ELMO1: variants seen among roughly 807,000 people sequenced by gnomAD.
ELMO1 encodes the protein engulfment and cell motility protein 1.
A neutral mutation model predicts 98.9 loss-of-function variants in ELMO1; 26 were observed. The ratio of observed to expected loss-of-function variants is 0.26; its 90% confidence interval spans 0.19 to 0.36. The LOEUF is 0.36. Ranked by LOEUF, ELMO1 falls within the 10% of genes least tolerant of loss-of-function variation. ELMO1 has a pLI of 1.00. For synonymous variants in ELMO1, 346 were observed against 346.0 expected, an observed-to-expected ratio of 1.00 and a Z score of 0.00; for missense variants, 627 against 935.2, an observed-to-expected ratio of 0.67 and a Z score of 4.30.
Position 36,897,614 on chromosome 7 carries a change from G to A in ELMO1, c.1438-2597C>T, listed in dbSNP as rs74731596. On this transcript the variant is annotated intron_variant, in intron 16 of 21. Coordinates refer to ENST00000310758, the MANE Select transcript of ELMO1 (RefSeq NM_014800.11). ...GGAAATAGCAAAGTTAATTCAACAA[G>A]TGACTTTTAAAAATCGCCTGCATTT... 9.5e-3 allele frequency among the ~76,000 whole-genome samples: 1,448 copies of A among 152,234 alleles called. 21 individuals carry two copies. Among genetic ancestry groups the A allele is most frequent in the African/African-American group, 0.032 (1,344 of 41,518 alleles).
intron 1 of ELMO1, among the ~76,000 whole-genome samples, chr7:37,416,135 T>C (rs1386483598): frequency 6.6e-6 from 1 of 152,208 alleles, no homozygotes; most frequent in Non-Finnish European, 1.5e-5. Flanking sequence ...TGGGCTTCCA[T>C]CTAAAGCTAA....
intron 1 of ELMO1, among the ~76,000 whole-genome samples, chr7:37,396,214 A>G (rs991321549): frequency 6.6e-6 from 1 of 152,120 alleles, no homozygotes; most frequent in Non-Finnish European, 1.5e-5. Context: ...AGCACAGTAG[A>G]CATAATGATA....
intron 1 of ELMO1, among the ~76,000 whole-genome samples, chr7:37,388,489 G>A (rs1177690754): frequency 2.0e-5 from 3 of 151,176 alleles, no homozygotes; most frequent in Non-Finnish European, 4.4e-5. Flanking sequence ...CTGGGAAGTT[G>A]TAATTGGGAA....
intron 15 of ELMO1, among the ~76,000 whole-genome samples, chr7:37,029,924 CT>C (rs1562908425): frequency 2.0e-5 from 3 of 152,148 alleles, no homozygotes; most frequent in Non-Finnish European, 4.4e-5. Flanking sequence ...ATGTCTGCTA[CT>C]TTTTTTCTTC....
chr7:37,096,533 G>A, intron 15 of ELMO1, 86 bp downstream of exon 15: 1 of 1,132,358 alleles, frequency 8.8e-7, no homozygotes, highest in Non-Finnish European at 1.3e-6. Context: ...TCGGCATCTT[G>A]GGATTTCTTC....
chr7:37,186,492 C>A (rs750149373), intron 13 of ELMO1, among the ~76,000 whole-genome samples: 14 of 152,086 alleles, frequency 9.2e-5, no homozygotes, highest in Non-Finnish European at 1.3e-4. Flanking sequence ...TAAAAACTTT[C>A]ACGCTTCAAA....
intron 16 of ELMO1, among the ~76,000 whole-genome samples, chr7:36,933,435 A>T (rs1786224717): frequency 6.6e-6 from 1 of 152,220 alleles, no homozygotes; most frequent in African/African-American, 2.4e-5. Context: ...GGGAAGACGA[A>T]TAGTAGTTCC....
At chr7:37,205,741 A>AT (rs1474736183) in intron 13 of ELMO1, among the ~76,000 whole-genome samples, 5 of 152,208 alleles carry the variant, frequency 3.3e-5, no homozygotes, top group Admixed American at 2.6e-4. Flanking sequence ...GGCAACTCAG[A>AT]TTTTTTGCCA....
intron 16 of ELMO1, among the ~76,000 whole-genome samples, chr7:36,973,216 C>T (rs769936670): frequency 6.6e-6 from 1 of 152,244 alleles, no homozygotes; most frequent in Non-Finnish European, 1.5e-5. Context: ...AGGCTCCCAT[C>T]CATCCTACAG....
intron 15 of ELMO1, among the ~76,000 whole-genome samples, chr7:37,064,443 C>T (rs1796842132): frequency 6.6e-6 from 1 of 152,122 alleles, no homozygotes; most frequent in Non-Finnish European, 1.5e-5. Flanking sequence ...AATCCTGGGT[C>T]CAAGGTTTGA....
chr7:37,247,155 C>A (rs1427038823), intron 6 of ELMO1, among the ~76,000 whole-genome samples: 1 of 152,086 alleles, frequency 6.6e-6, no homozygotes, highest in Non-Finnish European at 1.5e-5. Flanking sequence ...ATTGGAGAAT[C>A]ATAGAATTGC....
intron 8 of ELMO1, among the ~76,000 whole-genome samples, chr7:37,230,550 A>T (rs1390176361): frequency 6.6e-6 from 1 of 152,168 alleles, no homozygotes; most frequent in Non-Finnish European, 1.5e-5. Context: ...ACCAGAAATA[A>T]CAAGACTATC....
intron 14 of ELMO1, among the ~76,000 whole-genome samples, chr7:37,121,069 C>T (rs1297530433): frequency 6.6e-6 from 1 of 152,240 alleles, no homozygotes; most frequent in Non-Finnish European, 1.5e-5. Flanking sequence ...AAGGTCCTGA[C>T]TGTTAGAAGG....
Position 37,314,931 on chromosome 7 carries a change from T to C in ELMO1, c.120-9A>G. The C allele has an allele frequency of 6.2e-7, 1 of 1,602,548 alleles. No individual in the cohort carries two copies. Among genetic ancestry groups the C allele is most frequent in the South Asian group, 1.1e-5 (1 of 88,012 alleles). On this transcript the variant is annotated splice_polypyrimidine_tract_variant and intron_variant, in intron 3 of 21. Transcript: ENST00000310758. ...GGTTGGCAAGAGACCACCTTAAAAA[T>C]ACAAGCGTATACTGATTAGAAAAAT...
chr7:36,987,237 C>G (rs939811455), intron 16 of ELMO1, among the ~76,000 whole-genome samples: 2 of 152,072 alleles, frequency 1.3e-5, no homozygotes, highest in African/African-American at 2.4e-5. Context: ...CCAAATTCCC[C>G]GGGTTGCATG....
intron 16 of ELMO1, among the ~76,000 whole-genome samples, chr7:36,906,467 A>G (rs2129062289): frequency 6.6e-6 from 1 of 152,202 alleles, no homozygotes; most frequent in South Asian, 2.1e-4. Flanking sequence ...ATTTTTTCTA[A>G]TAAGTTGTTG....
At chr7:37,188,482 A>T (rs1791363053) in intron 13 of ELMO1, among the ~76,000 whole-genome samples, 1 of 100,630 alleles carries the variant, frequency 9.9e-6, no homozygotes. Context: ...GCCACTGGAG[A>T]AAGGTAAAAA....
chr7:36,876,325 T>C (rs1185988300), intron 19 of ELMO1, among the ~76,000 whole-genome samples: 2 of 152,166 alleles, frequency 1.3e-5, no homozygotes, highest in Non-Finnish European at 2.9e-5. Context: ...CTTTTTTTTT[T>C]CTTGTAATCG....
chr7:36,995,678 T>C (rs1372342366), intron 16 of ELMO1, among the ~76,000 whole-genome samples: 1 of 152,182 alleles, frequency 6.6e-6, no homozygotes, highest in Non-Finnish European at 1.5e-5. Flanking sequence ...AACAGATAAA[T>C]AAATGTATCC....
Sources: gnomAD v4.1 joint callset for allele counts (sites outside exome capture counted in the v4.1 genomes callset) on GRCh38, gnomAD v4.1.1 for gene constraint, MANE v1.5 for transcripts, NCBI Gene and HGNC (gene_info 2026-07-23, HGNC 2026-07-21) for gene names.